ABCG8: variants seen among roughly 807,000 people sequenced by gnomAD.
ABCG8 encodes ATP binding cassette subfamily G member 8, also known as ATP-binding cassette sub-family G member 8.
In ABCG8, 81 loss-of-function variants were observed where a neutral mutation model predicts 71.3. That is an observed-to-expected ratio of 1.14 (90% CI 0.95 to 1.37). The LOEUF (loss-of-function observed/expected upper bound fraction) is 1.37, where lower values mean the gene tolerates loss of function less well. Ranked by LOEUF, ABCG8 falls within the 40% of genes most tolerant of loss-of-function variation. The pLI is 0.00. For synonymous variants in ABCG8, 451 were observed against 354.7 expected (o/e 1.27, Z -3.05); for missense variants, 1,119 against 866.2 (o/e 1.29, Z -3.66).
In ABCG8 at chr2:43,872,224, A is replaced by G; in HGVS notation, c.1129A>G (p.Ser377Gly). ...DLDEDTCVES[S>G]VTPLDTNCLP... ...CTGGCCACATCTTCTGCCTCCCAGCAGCGTGACCCCACTAGACACCAACTG... is the reference window on the plus strand; with the variant it reads ...CTGGCCACATCTTCTGCCTCCCAGCGGCGTGACCCCACTAGACACCAACTG... Residue 377 changes from serine (S) to glycine (G), a missense_variant and splice_region_variant, in exon 8 of 13, where the codon AGC becomes GGC. Ser to Gly is a moderately conservative substitution (Grantham distance 56). Transcript: ENST00000272286. 1 of 1,613,986 alleles carries G rather than the reference A, an allele frequency of 6.2e-7. No individual in the cohort carries two copies. The highest frequency in any genetic ancestry group is 8.5e-7 in the Non-Finnish European group (1 of 1,180,016).
In ABCG8 at chr2:43,859,201, C is replaced by G. The variant is rs546466214; in HGVS notation, c.964+6333C>G. Among the ~76,000 whole-genome samples, 404 of 151,120 alleles carry G rather than the reference C, an allele frequency of 2.7e-3. 1 individual carries two copies. Among genetic ancestry groups the G allele is most frequent in the South Asian group, 8.4e-3 (40 of 4,778 alleles). On this transcript the variant is annotated intron_variant, in intron 6 of 12. Transcript: ENST00000272286. ...TCTGACTGTCTATCTGGATAGAATT[C>G]TCTCCCTCTGGATACAACTCTCACT...
In ABCG8 at chr2:43,877,820, C is replaced by G; in HGVS notation, c.1929C>G (p.Ile643Met). 1 of 1,614,222 alleles carries G rather than the reference C, an allele frequency of 6.2e-7. No individual in the cohort carries two copies. Reference protein sequence around the residue: ...MELDSYPLYAIYLIVIGLSGG... With the variant: ...MELDSYPLYAMYLIVIGLSGG... Reference sequence around the variant, plus strand: ...TGGACTCGTACCCTCTCTACGCCATCTACCTCATCGTCATTGGCCTCAGCG... The same window carrying G: ...TGGACTCGTACCCTCTCTACGCCATGTACCTCATCGTCATTGGCCTCAGCG... The change falls in exon 13 of 13, where the codon ATC becomes ATG. Residue 643 changes from isoleucine to methionine, a missense_variant. Ile to Met is a conservative substitution (Grantham distance 10). Transcript: ENST00000272286.
intron 1 of ABCG8, among the ~76,000 whole-genome samples, chr2:43,840,905 G>C (rs1352748666): frequency 6.6e-6 from 1 of 152,156 alleles, no homozygotes; most frequent in Admixed American, 6.5e-5. Flanking sequence ...AGGAGGTTGG[G>C]CCTGGGAAGA....
At chr2:43,872,982 G>A (rs978496119) in intron 8 of ABCG8, among the ~76,000 whole-genome samples, 5 of 152,122 alleles carry the variant, frequency 3.3e-5, no homozygotes, top group African/African-American at 9.6e-5. Context: ...ATTTGTAAAC[G>A]TAGCGGGATC....
At chr2:43,862,551 T>C (rs981366667) in intron 6 of ABCG8, among the ~76,000 whole-genome samples, 3 of 150,152 alleles carry the variant, frequency 2.0e-5, no homozygotes, top group African/African-American at 7.3e-5. Flanking sequence ...ATTCTTACTC[T>C]GAATAAAACT....
chr2:43,862,186 A>G (rs542581512), intron 6 of ABCG8, among the ~76,000 whole-genome samples: 171 of 149,266 alleles, frequency 1.1e-3, no homozygotes, highest in African/African-American at 4.1e-3. Context: ...AATTCTCACT[A>G]TCTATCTTGA....
chr2:43,843,126 C>A (rs1269268850), intron 1 of ABCG8, among the ~76,000 whole-genome samples: 1 of 152,236 alleles, frequency 6.6e-6, no homozygotes, highest in Non-Finnish European at 1.5e-5. Flanking sequence ...TGAGGTCAGC[C>A]TCCCTCTCTG....
intron 3 of ABCG8, chr2:43,847,931 T>C (rs1668796651): frequency 6.6e-6 from 1 of 151,678 alleles, no homozygotes; most frequent in Admixed American, 6.6e-5. Context: ...TGGCTCATTT[T>C]TTTTTGTATT....
intron 6 of ABCG8, among the ~76,000 whole-genome samples, chr2:43,866,665 A>G (rs1349196458): frequency 6.6e-6 from 1 of 152,122 alleles, no homozygotes; most frequent in East Asian, 1.9e-4. Context: ...CACACCAGTT[A>G]GAATGGCAAT....
At chr2:43,865,160 CTA>C (rs1280013253) in intron 6 of ABCG8, among the ~76,000 whole-genome samples, 1 of 151,630 alleles carries the variant, frequency 6.6e-6, no homozygotes, top group Non-Finnish European at 1.5e-5. Context: ...CACTATCTGT[CTA>C]TGTAGAATTC....
intron 6 of ABCG8, among the ~76,000 whole-genome samples, chr2:43,863,509 G>A (rs1376721898): frequency 6.6e-6 from 1 of 151,076 alleles, no homozygotes; most frequent in East Asian, 1.9e-4. Flanking sequence ...TTAGTATCTG[G>A]AAAGAACTGT....
intron 11 of ABCG8, 36 bp from the exon 12 acceptor site, chr2:43,877,525 G>A: frequency 6.2e-7 from 1 of 1,612,628 alleles, no homozygotes. Flanking sequence ...GAGAATATGA[G>A]GGACACCTGT....
At chr2:43,868,946 T>C (rs1336247417) in intron 6 of ABCG8, among the ~76,000 whole-genome samples, 2 of 152,110 alleles carry the variant, frequency 1.3e-5, no homozygotes, top group African/African-American at 4.8e-5. Flanking sequence ...ACTATCTGGA[T>C]AGAATACTCA....
chr2:43,847,059 C>G (rs1668768488), intron 3 of ABCG8: 1 of 152,410 alleles, frequency 6.6e-6, no homozygotes, highest in Non-Finnish European at 1.5e-5. Context: ...AGACTCAAAT[C>G]CAAAGAAATT....
intron 11 of ABCG8, 104 bp downstream of exon 11, chr2:43,875,517 C>G: frequency 7.0e-7 from 1 of 1,420,138 alleles, no homozygotes; most frequent in African/African-American, 1.4e-5. Context: ...AGATCCAACT[C>G]GAGGCTGGCC....
chr2:43,855,263 A>G (rs1228817505), intron 6 of ABCG8, among the ~76,000 whole-genome samples: 1 of 151,964 alleles, frequency 6.6e-6, no homozygotes, highest in Non-Finnish European at 1.5e-5. Context: ...TCTGCATAGA[A>G]TTCTCACTCT....
At chr2:43,866,315 C>A (rs1484347850) in intron 6 of ABCG8, among the ~76,000 whole-genome samples, 1 of 151,762 alleles carries the variant, frequency 6.6e-6, no homozygotes, top group African/African-American at 2.4e-5. Flanking sequence ...ACACCAAAAG[C>A]AATGGCAACA....
Position 43,852,357 on chromosome 2 carries a change from G to A in ABCG8, c.565G>A (p.Glu189Lys), listed in dbSNP as rs1322456428. ...FSQAQRDKRV[E>K]DVIAELRLRQ... ...CAAAGCTCCTTCTGGCCCACAGGTG[G>A]AGGACGTGATCGCGGAGCTGCGGCT... The change falls in exon 5 of 13, where the codon GAG becomes AAG. Residue 189 changes from glutamate (E) to lysine (K), a missense_variant. By Grantham distance (56) the Glu-to-Lys change is moderately conservative (BLOSUM62 1). Coordinates refer to ENST00000272286, the MANE Select transcript of ABCG8 (RefSeq NM_022437.3). The A allele has an allele frequency of 1.2e-6, 2 of 1,612,228 alleles. No homozygotes were observed. The highest frequency in any genetic ancestry group is 1.7e-6 in the Non-Finnish European group (2 of 1,180,014).
In ABCG8 at chr2:43,877,694, C is replaced by T. The variant is rs1023187928; in HGVS notation, c.1884+6C>T. The T allele has an allele frequency of 3.7e-6, 6 of 1,613,898 alleles. No homozygotes were observed. The highest frequency in any genetic ancestry group is 1.3e-5 in the African/African-American group (1 of 74,860). Reference sequence around the variant, plus strand: ...TCGCGGTCTCAGGAGATAAAGTAAGCGGGGAAGGCCTCGGGTTCTAAATTA... The same window carrying T: ...TCGCGGTCTCAGGAGATAAAGTAAGTGGGGAAGGCCTCGGGTTCTAAATTA... On this transcript the variant is annotated splice_donor_region_variant and intron_variant, in intron 12 of 12. Transcript: ENST00000272286.
Sources: gnomAD v4.1 joint callset for allele counts (sites outside exome capture counted in the v4.1 genomes callset) on GRCh38, gnomAD v4.1.1 for gene constraint, MANE v1.5 for transcripts, NCBI Gene and HGNC (gene_info 2026-07-23, HGNC 2026-07-21) for gene names.